ANXA6: variants seen among roughly 807,000 people sequenced by gnomAD.
ANXA6 encodes the protein annexin A6, also known as 67 kDa calelectrin.
In ANXA6, 71 loss-of-function variants were observed where a neutral mutation model predicts 95.4. The ratio of observed to expected loss-of-function variants is 0.74; its 90% confidence interval spans 0.61 to 0.91. The LOEUF (loss-of-function observed/expected upper bound fraction) is 0.91. Ranked by LOEUF, ANXA6 falls within the 40% of genes least tolerant of loss-of-function variation. The pLI is 0.00. For synonymous variants in ANXA6, 289 were observed against 315.9 expected (o/e 0.91, Z 0.90); for missense variants, 830 against 876.4 (o/e 0.95, Z 0.67).
chr5:151,131,433 C>A (rs1765509947), intron 10 of ANXA6, 144 bp from the exon 11 acceptor site: 1 of 777,558 alleles, frequency 1.3e-6, no homozygotes. Context: ...CTCACAGCCC[C>A]AGATCACCCC....
At chr5:151,154,752 G>A (rs1582024352) in intron 1 of ANXA6, 1 of 152,234 alleles carries the variant, frequency 6.6e-6, no homozygotes, top group Admixed American at 6.5e-5. Context: ...TCCTAGGACT[G>A]GACAAGGCCT....
At chr5:151,134,383 G>A (rs1561579553) in intron 8 of ANXA6, 44 bp downstream of exon 8, 1 of 1,604,838 alleles carries the variant, frequency 6.2e-7, no homozygotes, top group Non-Finnish European at 8.5e-7. Context: ...CCCTCCCAAG[G>A]CTCTTCTGCT....
chr5:151,150,888 C>CAG (rs1250688074), intron 1 of ANXA6: 1 of 152,392 alleles, frequency 6.6e-6, no homozygotes, highest in Non-Finnish European at 1.5e-5. Flanking sequence ...TTGACACAGA[C>CAG]AGAGGGAGGG....
chr5:151,142,166 T>C (rs1765856443), intron 2 of ANXA6, among the ~76,000 whole-genome samples: 2 of 152,198 alleles, frequency 1.3e-5, no homozygotes, highest in Non-Finnish European at 2.9e-5. Context: ...CAGGCAATAT[T>C]AGCTACTAGG....
At chr5:151,132,660 G>A (rs1158907432) in intron 9 of ANXA6, 89 bp from the exon 10 acceptor site, 3 of 1,110,384 alleles carry the variant, frequency 2.7e-6, no homozygotes, top group Non-Finnish European at 3.9e-6. Flanking sequence ...GGGCACAGTG[G>A]CCAGGACGAC....
rs781065954 is a variant in ANXA6 at position 151,103,563 on chromosome 5, C to G, written c.1962+7G>C. 6.2e-7 allele frequency: 1 copy of G among 1,612,038 alleles called. No homozygotes were observed. The highest frequency in any genetic ancestry group is 1.1e-5 in the South Asian group (1 of 90,666). On this transcript the variant is annotated splice_region_variant and intron_variant, in intron 25 of 25. Transcript: ENST00000354546. ...GCTTCCTGCTAACCTCTAGCCCCTCCCCTTACCTCAATGGCTTGGTGGAGA... is the reference window on the plus strand; with the variant it reads ...GCTTCCTGCTAACCTCTAGCCCCTCGCCTTACCTCAATGGCTTGGTGGAGA...
chr5:151,152,157 G>A (rs1430695030), intron 1 of ANXA6, among the ~76,000 whole-genome samples: 1 of 152,222 alleles, frequency 6.6e-6, no homozygotes, highest in African/African-American at 2.4e-5. Flanking sequence ...CCAGCAGTTT[G>A]TGATGTAAGT....
At chr5:151,136,822 G>A (rs752786362) in intron 6 of ANXA6, among the ~76,000 whole-genome samples, 1 of 152,206 alleles carries the variant, frequency 6.6e-6, no homozygotes, top group Non-Finnish European at 1.5e-5. Flanking sequence ...TGCACTTGCC[G>A]TGACCTCTGT....
At chr5:151,129,076 T>C (rs1359376963) in intron 12 of ANXA6, among the ~76,000 whole-genome samples, 1 of 152,264 alleles carries the variant, frequency 6.6e-6, no homozygotes, top group Non-Finnish European at 1.5e-5. Flanking sequence ...AACCCTCATT[T>C]GTGTTCTTCA....
intron 2 of ANXA6, among the ~76,000 whole-genome samples, chr5:151,145,893 T>C (rs1331554688): frequency 6.6e-6 from 1 of 152,164 alleles, no homozygotes; most frequent in Non-Finnish European, 1.5e-5. Context: ...TAGACCACTC[T>C]GAGCCCCCTT....
chr5:151,155,233 G>A (rs1460707082), intron 1 of ANXA6: 1 of 152,206 alleles, frequency 6.6e-6, no homozygotes, highest in Non-Finnish European at 1.5e-5. Context: ...AGAGGTAATA[G>A]TGGTTACCAT....
chr5:151,126,311 G>T, intron 14 of ANXA6, 91 bp downstream of exon 14: 1 of 1,142,756 alleles, frequency 8.8e-7, no homozygotes, highest in Non-Finnish European at 1.3e-6. Context: ...TTGGCCGCCA[G>T]GGGGCAGCTG....
At chr5:151,153,051 A>G (rs758471643) in intron 1 of ANXA6, among the ~76,000 whole-genome samples, 10 of 152,234 alleles carry the variant, frequency 6.6e-5, no homozygotes, top group Admixed American at 2.0e-4. Flanking sequence ...CCTGAGCCAC[A>G]GCACTCCTCT....
intron 7 of ANXA6, 141 bp downstream of exon 7, chr5:151,136,115 G>C (rs1765651827): frequency 2.9e-6 from 2 of 699,588 alleles, no homozygotes; most frequent in African/African-American, 1.8e-5. Flanking sequence ...GTGTGCCAAA[G>C]AGAAAGAGGA....
intron 2 of ANXA6, among the ~76,000 whole-genome samples, chr5:151,143,447 C>T (rs1159527638): frequency 2.0e-5 from 3 of 152,162 alleles, no homozygotes; most frequent in Non-Finnish European, 4.4e-5. Context: ...AAGTGCTTCT[C>T]ACATTCAGAT....
chr5:151,124,189 A>T, intron 15 of ANXA6, 97 bp downstream of exon 15: 1 of 1,023,404 alleles, frequency 9.8e-7, no homozygotes, highest in Non-Finnish European at 1.5e-6. Flanking sequence ...TGCAGACTCT[A>T]ATTTGAAACC....
intron 2 of ANXA6, among the ~76,000 whole-genome samples, chr5:151,141,185 T>C (rs1475429222): frequency 6.6e-6 from 1 of 152,176 alleles, no homozygotes; most frequent in Non-Finnish European, 1.5e-5. Flanking sequence ...GTCAGTTACA[T>C]GGCACTGAAA....
rs150607991 is a variant in ANXA6 at position 151,109,780 on chromosome 5, T to C, written c.1657A>G (p.Thr553Ala). 3 of 1,611,372 alleles carry C rather than the reference T, an allele frequency of 1.9e-6. No individual in the cohort carries two copies. The Admixed American group carries it at 5.0e-5, about 27-fold the overall frequency. Residue 553 changes from threonine to alanine, a missense_variant, in exon 22 of 26, where the codon ACC becomes GCC. By Grantham distance (58) the Thr-to-Ala change is moderately conservative. Coordinates refer to ENST00000354546, the MANE Select transcript of ANXA6 (RefSeq NM_001155.5). ...LETRFMTILCTRSYPHLRRVF... is the reference protein window; with the variant it reads ...LETRFMTILCARSYPHLRRVF... Reference sequence around the variant, plus strand: ...CTCCGGAGGTGCGGATAGCTCCGGGTACACAGGATCGTCATGAAACGTGTC... The same window carrying C: ...CTCCGGAGGTGCGGATAGCTCCGGGCACACAGGATCGTCATGAAACGTGTC...
At chr5:151,147,480 A>G (rs116245717) in intron 2 of ANXA6, among the ~76,000 whole-genome samples, 1,547 of 152,284 alleles carry the variant, frequency 0.01, 29 homozygotes, top group African/African-American at 0.035. Flanking sequence ...GGCTGCCAAG[A>G]CAGCAGAATG....
Sources: gnomAD v4.1 joint callset for allele counts (sites outside exome capture counted in the v4.1 genomes callset) on GRCh38, gnomAD v4.1.1 for gene constraint, MANE v1.5 for transcripts, NCBI Gene and HGNC (gene_info 2026-07-23, HGNC 2026-07-21) for gene names.